DIAPH2: variants seen among roughly 807,000 people sequenced by gnomAD.
DIAPH2 encodes diaphanous related formin 2, also known as protein diaphanous homolog 2.
In DIAPH2, 35 loss-of-function variants were observed where a neutral mutation model predicts 92.7. The observed-to-expected ratio is 0.38, with a 90% confidence interval of 0.29 to 0.50. The LOEUF (loss-of-function observed/expected upper bound fraction) is 0.50. Among genes scored for constraint, DIAPH2 ranks in the 20% least tolerant of loss-of-function variants. The pLI is 0.94. For synonymous variants in DIAPH2, 301 were observed against 280.4 expected (o/e 1.07, Z -0.73); for missense variants, 701 against 819.5 (o/e 0.86, Z 1.77).
chrX:97,528,638 G>A (rs2071039150), intron 26 of DIAPH2: 1 of 112,044 alleles, frequency 8.9e-6, no homozygotes, highest in Non-Finnish European at 1.9e-5. Flanking sequence ...AGTCATTCAT[G>A]AGGGATCCAC....
chrX:97,334,005 G>GGA (rs2069025429), intron 23 of DIAPH2, among the ~76,000 whole-genome samples: 1 of 111,275 alleles, frequency 9.0e-6, no homozygotes, highest in African/African-American at 3.3e-5. Context: ...AAACAGGTAA[G>GGA]GTCATGTTAC....
intron 23 of DIAPH2, among the ~76,000 whole-genome samples, chrX:97,288,010 T>C (rs1313748233): frequency 1.9e-5 from 2 of 106,976 alleles, no homozygotes; most frequent in African/African-American, 6.8e-5. Flanking sequence ...AAATATCTTG[T>C]TTATGGTGAG....
chrX:96,703,149 A>G (rs1011302798), intron 1 of DIAPH2, among the ~76,000 whole-genome samples: 1 of 111,877 alleles, frequency 8.9e-6, no homozygotes, highest in Admixed American at 9.5e-5. Flanking sequence ...CTGGATGGAG[A>G]GACTGCAGCT....
At chrX:96,918,677 G>A (rs1329511172) in intron 9 of DIAPH2, 60 bp downstream of exon 9, 11 of 807,667 alleles carry the variant, frequency 1.4e-5, no homozygotes, top group Non-Finnish European at 1.8e-5. Context: ...CATTTTGTAT[G>A]ACATCAACTC....
intron 2 of DIAPH2, among the ~76,000 whole-genome samples, chrX:96,737,832 G>T (rs746476872): frequency 9.0e-6 from 1 of 111,491 alleles, no homozygotes. Flanking sequence ...TCTTTGTTTT[G>T]CTTCCTCATT....
chrX:97,255,762 C>T (rs753856014), intron 23 of DIAPH2, among the ~76,000 whole-genome samples: 1 of 111,925 alleles, frequency 8.9e-6, no homozygotes, highest in Non-Finnish European at 1.9e-5. Context: ...TATGTCTTAA[C>T]AGATTTTAAG....
At chrX:97,407,960 G>T (rs1337941412) in intron 25 of DIAPH2, among the ~76,000 whole-genome samples, 1 of 111,575 alleles carries the variant, frequency 9.0e-6, no homozygotes. Context: ...TACCAGCTTT[G>T]GGGAGGTTAT....
At chrX:97,398,804 C>T (rs1345040960) in intron 25 of DIAPH2, among the ~76,000 whole-genome samples, 1 of 100,141 alleles carries the variant, frequency 1.0e-5, no homozygotes, top group Non-Finnish European at 2.0e-5. Flanking sequence ...TGCAATGGTG[C>T]GACCTCAGCT....
chrX:97,198,841 A>G (rs1011414161), intron 22 of DIAPH2, among the ~76,000 whole-genome samples: 2 of 111,494 alleles, frequency 1.8e-5, no homozygotes, highest in African/African-American at 6.5e-5. Context: ...TGATATTTTC[A>G]TCCCTGTCAG....
chrX:97,193,012 C>CTTTTTTTTTT (rs373054114), intron 22 of DIAPH2, among the ~76,000 whole-genome samples: 1 of 86,559 alleles, frequency 1.2e-5, no homozygotes, highest in Non-Finnish European at 2.2e-5. Flanking sequence ...TTTTTCTTTT[C>CTTTTTTTTTT]TTTTTTTTTT....
intron 22 of DIAPH2, among the ~76,000 whole-genome samples, chrX:97,178,319 T>G (rs999781901): frequency 3.6e-5 from 4 of 110,535 alleles, no homozygotes; most frequent in African/African-American, 1.3e-4. Flanking sequence ...TTTTAAGATA[T>G]GGAAAAAAAG....
chrX:97,275,905 A>T (rs1471209307), intron 23 of DIAPH2, among the ~76,000 whole-genome samples: 1 of 112,385 alleles, frequency 8.9e-6, no homozygotes, highest in African/African-American at 3.2e-5. Context: ...CAATCTCCGC[A>T]CTTTGGGAGG....
At chrX:97,594,557 AG>A in intron 26 of DIAPH2, among the ~76,000 whole-genome samples, 1 of 112,753 alleles carries the variant, frequency 8.9e-6, no homozygotes, top group East Asian at 2.8e-4. Context: ...TGGTTTCCTT[AG>A]CCTAAGCTGC....
intron 26 of DIAPH2, among the ~76,000 whole-genome samples, chrX:97,579,965 T>C: frequency 9.1e-6 from 1 of 110,408 alleles, no homozygotes; most frequent in Non-Finnish European, 1.9e-5. Flanking sequence ...TTTGGCTCTC[T>C]GTTTGTCTGT....
chrX:96,997,672 T>C (rs1308740466), intron 17 of DIAPH2, among the ~76,000 whole-genome samples: 1 of 111,529 alleles, frequency 9.0e-6, no homozygotes, highest in Non-Finnish European at 1.9e-5. Flanking sequence ...TGAGATTTTG[T>C]GAGTTTCATA....
intron 4 of DIAPH2, among the ~76,000 whole-genome samples, chrX:96,829,441 G>GTATATA (rs748376906): frequency 3.6e-5 from 2 of 56,149 alleles, no homozygotes; most frequent in South Asian, 6.6e-4. Flanking sequence ...ATATATATAT[G>GTATATA]TATATATATA....
intron 5 of DIAPH2, among the ~76,000 whole-genome samples, chrX:96,897,418 G>T (rs982364811): frequency 4.3e-4 from 47 of 110,259 alleles, no homozygotes; most frequent in African/African-American, 1.5e-3. Flanking sequence ...TTTCAAACAG[G>T]TCTTAGTTTA....
intron 22 of DIAPH2, among the ~76,000 whole-genome samples, chrX:97,235,033 A>G (rs1459816987): frequency 8.9e-6 from 1 of 112,569 alleles, no homozygotes; most frequent in Non-Finnish European, 1.9e-5. Context: ...TTTTGCCAGA[A>G]CACTTGAAAG....
intron 9 of DIAPH2, among the ~76,000 whole-genome samples, chrX:96,929,754 T>TC (rs989262002): frequency 1.8e-5 from 2 of 111,031 alleles, no homozygotes; most frequent in African/African-American, 6.5e-5. Flanking sequence ...TATGTTTTTT[T>TC]CCGAGGATTC....
Sources: gnomAD v4.1 joint callset for allele counts (sites outside exome capture counted in the v4.1 genomes callset) on GRCh38, gnomAD v4.1.1 for gene constraint, MANE v1.5 for transcripts, NCBI Gene and HGNC (gene_info 2026-07-23, HGNC 2026-07-21) for gene names.